Variants in PDGFC observed in about 807,000 individuals in gnomAD.
PDGFC encodes platelet derived growth factor C.
PDGFC carries 12 observed loss-of-function variants against 35.5 expected under a neutral mutation model. The observed-to-expected ratio is 0.34, with a 90% confidence interval of 0.22 to 0.55. PDGFC has a LOEUF of 0.55. PDGFC is among the 20% of genes least tolerant of loss of function. The pLI, the probability that PDGFC is intolerant of heterozygous loss-of-function variation, is 0.91. For synonymous variants in PDGFC, 159 were observed against 148.8 expected (o/e 1.07, Z -0.50); for missense variants, 322 against 412.4 (o/e 0.78, Z 1.90).
At chr4:156,782,435 A>G (rs1731007885) in intron 3 of PDGFC, among the ~76,000 whole-genome samples, 1 of 152,210 alleles carries the variant, frequency 6.6e-6, no homozygotes, top group South Asian at 2.1e-4. Context: ...TCTGTAAAGT[A>G]ACTAGTTAGC....
At chr4:156,849,785 T>C (rs997817390) in intron 2 of PDGFC, among the ~76,000 whole-genome samples, 8 of 152,096 alleles carry the variant, frequency 5.3e-5, no homozygotes, top group African/African-American at 1.7e-4. Flanking sequence ...CCAGGTAATA[T>C]GTACCTGTGG....
chr4:156,811,967 C>T (rs1278749396), intron 2 of PDGFC, among the ~76,000 whole-genome samples: 1 of 152,056 alleles, frequency 6.6e-6, no homozygotes, highest in African/African-American at 2.4e-5. Context: ...TTTCACTGGA[C>T]ATTTCATGCA....
intron 3 of PDGFC, among the ~76,000 whole-genome samples, chr4:156,784,082 A>C (rs550151872): frequency 1.3e-5 from 2 of 152,370 alleles, no homozygotes; most frequent in South Asian, 4.1e-4. Context: ...TATATCCAGC[A>C]GACAACTGCA....
Position 156,762,414 on chromosome 4 carries a change from A to G in PDGFC, c.*676T>C, listed in dbSNP as rs1170054145. On this transcript the variant is annotated 3_prime_UTR_variant, in exon 6 of 6. Transcript: ENST00000502773. ...AATAAACTGACTTATCGATAAAGTG[A>G]AGATAAGGCCACTCTTCTTTTCAGG... The G allele has an allele frequency of 6.6e-6, 1 of 152,612 alleles. No homozygotes were observed. Among genetic ancestry groups the G allele is most frequent in the African/African-American group, 2.4e-5 (1 of 41,462 alleles). 9.5% of individuals were successfully genotyped at this position (152,612 alleles called of 1,614,324 possible). A position where few individuals can be genotyped will look rare whatever the true frequency, so the allele number is the denominator to read the frequency against.
At chr4:156,887,659 G>A (rs965583959) in intron 1 of PDGFC, among the ~76,000 whole-genome samples, 3 of 152,010 alleles carry the variant, frequency 2.0e-5, no homozygotes, top group African/African-American at 4.8e-5. Flanking sequence ...AACTTATTCC[G>A]TGAATAGTTC....
intron 1 of PDGFC, among the ~76,000 whole-genome samples, chr4:156,934,070 G>A (rs1322908572): frequency 1.3e-5 from 2 of 152,178 alleles, no homozygotes; most frequent in East Asian, 3.9e-4. Context: ...ATGAATTATA[G>A]TGCCTTGTGC....
At chr4:156,860,537 T>C (rs1214871474) in intron 1 of PDGFC, among the ~76,000 whole-genome samples, 1 of 151,898 alleles carries the variant, frequency 6.6e-6, no homozygotes, top group African/African-American at 2.4e-5. Context: ...AGCAAAGATA[T>C]GAACAAACAC....
chr4:156,763,021 A>G lies in PDGFC; in HGVS notation c.*69T>C, dbSNP rs950279706. 6.2e-6 allele frequency: 5 copies of G among 804,078 alleles called. No individual in the cohort carries two copies. Among genetic ancestry groups the G allele is most frequent in the African/African-American group, 5.0e-5 (3 of 59,718 alleles). The allele number at this position is 804,078 out of a possible 1,614,324, so 49.8% of individuals were successfully genotyped here. A position where few individuals can be genotyped will look rare whatever the true frequency, so the allele number is the denominator to read the frequency against. The stretch of plus-strand genomic sequence containing the variant: ...CTGAGATTAAGGATGGAGATAACGC[A>G]TACGTTCTCTAATAGAATCAGCCAC... On this transcript the variant is annotated 3_prime_UTR_variant, in exon 6 of 6. Transcript: ENST00000502773.
rs574700554 is a variant in PDGFC, at chr4:156,912,742, T to A, written c.118+58044A>T. ...ACACAAGAAATATGTAAGTATACTTTAAATATTATATAAATATGTACATTT... is the reference window on the plus strand; with the variant it reads ...ACACAAGAAATATGTAAGTATACTTAAAATATTATATAAATATGTACATTT... On this transcript the variant is annotated intron_variant, in intron 1 of 5. Coordinates refer to ENST00000502773, the MANE Select transcript of PDGFC (RefSeq NM_016205.3). 5.3e-5 allele frequency among the ~76,000 whole-genome samples: 8 copies of A among 152,166 alleles called. No individual in the cohort carries two copies. In the East Asian group the frequency reaches 1.5e-3, roughly 29 times the overall value.
chr4:156,876,548 G>A (rs1054748087), intron 1 of PDGFC: 2 of 152,146 alleles, frequency 1.3e-5, no homozygotes, highest in Admixed American at 1.3e-4. Context: ...CATGACTGCA[G>A]GGGCAGGGTT....
chr4:156,809,887 T>A (rs1271485848), intron 3 of PDGFC, among the ~76,000 whole-genome samples: 1 of 151,904 alleles, frequency 6.6e-6, no homozygotes. Flanking sequence ...TTGGGATGAA[T>A]AAAACCTTTG....
chr4:156,905,423 T>C (rs1718123663), intron 1 of PDGFC, among the ~76,000 whole-genome samples: 2 of 152,124 alleles, frequency 1.3e-5, no homozygotes, highest in South Asian at 2.1e-4. Context: ...TTTATTTTTT[T>C]CTCAAAGATG....
At chr4:156,906,037 C>T (rs933837024) in intron 1 of PDGFC, among the ~76,000 whole-genome samples, 1 of 152,102 alleles carries the variant, frequency 6.6e-6, no homozygotes. Context: ...CAGAGATATA[C>T]ATTTATAATC....
intron 1 of PDGFC, among the ~76,000 whole-genome samples, chr4:156,938,677 T>C (rs1414981455): frequency 6.6e-6 from 1 of 151,904 alleles, no homozygotes; most frequent in Admixed American, 6.6e-5. Flanking sequence ...ATGTAAAAAG[T>C]TATAAAAAGC....
intron 3 of PDGFC, chr4:156,778,164 G>A (rs1342253405): frequency 5.7e-6 from 2 of 350,220 alleles, no homozygotes; most frequent in South Asian, 2.2e-5. Flanking sequence ...AAACCTGTGA[G>A]GTGAGCACTA....
intron 1 of PDGFC, among the ~76,000 whole-genome samples, chr4:156,887,081 A>G (rs1009480043): frequency 3.3e-5 from 5 of 152,184 alleles, no homozygotes; most frequent in Admixed American, 2.6e-4. Flanking sequence ...CACTATTAAC[A>G]AAGTTATTTC....
chr4:156,782,930 C>G (rs1158064728), intron 3 of PDGFC, among the ~76,000 whole-genome samples: 1 of 152,122 alleles, frequency 6.6e-6, no homozygotes, highest in Non-Finnish European at 1.5e-5. Flanking sequence ...AGGTTCGTAT[C>G]TCTTGATGGA....
intron 1 of PDGFC, among the ~76,000 whole-genome samples, chr4:156,969,092 TAAGAC>T (rs1181498770): frequency 6.6e-6 from 1 of 152,076 alleles, no homozygotes. Flanking sequence ...AGAGGCTTGA[TAAGAC>T]AAGGCAATAG....
At chr4:156,903,104 A>AGAGAGAGTGTGTGTGT (rs368483475) in intron 1 of PDGFC, among the ~76,000 whole-genome samples, 2 of 130,680 alleles carry the variant, frequency 1.5e-5, no homozygotes, top group African/African-American at 5.6e-5. Flanking sequence ...AGAGAGAGAG[A>AGAGAGAGTGTGTGTGT]GTGTGTGTGT....
Sources: allele counts gnomAD v4.1 joint callset (sites outside exome capture counted in the v4.1 genomes callset), GRCh38; gene constraint gnomAD v4.1.1; transcripts MANE v1.5; gene names NCBI Gene and HGNC (gene_info 2026-07-23, HGNC 2026-07-21).